The following KDM4B variants were observed in gnomAD, a reference collection of about 807,000 sequenced individuals.
The protein encoded by KDM4B is lysine-specific demethylase 4B.
KDM4B carries 32 observed loss-of-function variants against 125.2 expected under a neutral mutation model. The ratio of observed to expected loss-of-function variants is 0.26; its 90% CI spans 0.19 to 0.34. KDM4B has a LOEUF of 0.34. KDM4B is among the 10% of genes least tolerant of loss of function. The pLI is 1.00. For missense variants in KDM4B, 1,190 were observed against 1,577.7 expected, an observed-to-expected ratio of 0.75 and a Z score of 4.16; for synonymous variants, 721 against 677.9, an observed-to-expected ratio of 1.06 and a Z score of -0.99.
At chr19:5,111,793 C>G in intron 10 of KDM4B, 1 of 765,200 alleles carries the variant, frequency 1.3e-6, no homozygotes, top group South Asian at 1.3e-5. Context: ...TCCTGTGTCT[C>G]GACGTCTCGA....
At chr19:5,149,171 T>C (rs753633621) in intron 21 of KDM4B, among the ~76,000 whole-genome samples, 11 of 152,204 alleles carry the variant, frequency 7.2e-5, no homozygotes, top group Non-Finnish European at 1.3e-4. Flanking sequence ...TGTGCTCCCT[T>C]GGAGAGGGAG....
Position 5,151,587 on chromosome 19 carries a change from T to G in KDM4B, c.*76T>G. 8.2e-7 allele frequency: 1 copy of G among 1,225,252 alleles called. No individual in the cohort carries two copies. The highest frequency in any genetic ancestry group is 1.0e-6 in the Non-Finnish European group (1 of 963,930). The allele number at this position is 1,225,252 out of a possible 1,614,324, so 75.9% of individuals were successfully genotyped here. On this transcript the variant is annotated 3_prime_UTR_variant, in exon 23 of 23. Transcript: ENST00000159111. ...GCCCCGGGCGTTCGCTTGCTGTGAA[T>G]TCCTGTCCTCGTGTCCCCGACCCCC...
At chr19:5,014,283 T>C (rs1222113211) in intron 1 of KDM4B, among the ~76,000 whole-genome samples, 1 of 152,160 alleles carries the variant, frequency 6.6e-6, no homozygotes, top group Admixed American at 6.5e-5. Flanking sequence ...TGTTTTGTTT[T>C]GTTTTGTTTT....
At chr19:5,036,041 A>T (rs535322697) in intron 3 of KDM4B, among the ~76,000 whole-genome samples, 180 of 152,244 alleles carry the variant, frequency 1.2e-3, no homozygotes, top group Non-Finnish European at 2.1e-3. Context: ...TCAGGGAAGC[A>T]TCTGCTCTGG....
chr19:5,038,188 G>C (rs1246386361), intron 3 of KDM4B, among the ~76,000 whole-genome samples: 2 of 152,240 alleles, frequency 1.3e-5, no homozygotes, highest in Admixed American at 1.3e-4. Flanking sequence ...AGGAGGCGTG[G>C]GGCCTGCAGT....
intron 6 of KDM4B, among the ~76,000 whole-genome samples, chr19:5,049,168 G>A (rs888364692): frequency 1.3e-5 from 2 of 152,132 alleles, no homozygotes; most frequent in African/African-American, 2.4e-5. Flanking sequence ...AGTGGGGCCC[G>A]GCCACAGGCC....
intron 1 of KDM4B, among the ~76,000 whole-genome samples, chr19:5,008,722 C>T (rs1192128740): frequency 1.3e-5 from 2 of 150,474 alleles, no homozygotes; most frequent in African/African-American, 2.4e-5. Context: ...CCCTGATTAG[C>T]TGGGACTATA....
At chr19:5,137,748 T>G in intron 17 of KDM4B, 72 bp downstream of exon 17, 2 of 1,384,628 alleles carry the variant, frequency 1.4e-6, no homozygotes, top group South Asian at 2.7e-5. Context: ...CTGCAGGGTG[T>G]GACCCCAGTG....
chr19:5,045,134 C>T (rs933807042), intron 5 of KDM4B, among the ~76,000 whole-genome samples: 2 of 152,142 alleles, frequency 1.3e-5, no homozygotes, highest in East Asian at 1.9e-4. Flanking sequence ...ACTGTCCTCC[C>T]GCCCACCTGT....
chr19:5,144,809 C>T lies in KDM4B; in HGVS notation c.2928C>T (p.Pro976=). The change falls in exon 21 of 23, where the codon CCC becomes CCT. Residue 976 remains proline (P), a synonymous_variant. Transcript: ENST00000159111. The stretch of plus-strand genomic sequence containing the variant: ...GTAGGGACTGTGTCCAGCTGGGACC[C>T]CCTTCCGAGGGGGAGCTGGTGGAGC... ...ITSRDCVQLG[P]PSEGELVELR... is the part of the protein sequence containing the mutation. 1 of 1,613,474 alleles carries T rather than the reference C, an allele frequency of 6.2e-7. No individual in the cohort carries two copies. The highest frequency in any genetic ancestry group is 8.5e-7 in the Non-Finnish European group (1 of 1,179,916).
chr19:5,045,349 T>C (rs944151526), intron 5 of KDM4B, among the ~76,000 whole-genome samples: 1 of 152,128 alleles, frequency 6.6e-6, no homozygotes, highest in African/African-American at 2.4e-5. Flanking sequence ...GTGTGTTTCC[T>C]TGGTGAGCTC....
intron 1 of KDM4B, among the ~76,000 whole-genome samples, chr19:4,978,877 G>A (rs1329003242): frequency 2.0e-5 from 3 of 152,186 alleles, no homozygotes; most frequent in Non-Finnish European, 4.4e-5. Context: ...GTCCAGCTCC[G>A]CGTGAGAGTT....
chr19:5,093,102 T>G (rs2038744649), intron 9 of KDM4B, among the ~76,000 whole-genome samples: 1 of 152,150 alleles, frequency 6.6e-6, no homozygotes, highest in African/African-American at 2.4e-5. Flanking sequence ...AGCACTTGGG[T>G]GGTGCCTGGC....
intron 1 of KDM4B, among the ~76,000 whole-genome samples, chr19:4,992,755 T>C (rs2035069044): frequency 6.6e-6 from 1 of 152,214 alleles, no homozygotes; most frequent in Non-Finnish European, 1.5e-5. Context: ...CTGGCCATCC[T>C]ATAAGTTTTA....
At chr19:5,080,804 T>C (rs2038268083) in intron 8 of KDM4B, 1 of 152,182 alleles carries the variant, frequency 6.6e-6, no homozygotes, top group African/African-American at 2.4e-5. Context: ...CGCACGTCCA[T>C]CAACAGGAGG....
chr19:5,047,369 G>T, intron 5 of KDM4B, 107 bp from the exon 6 acceptor site: 1 of 1,028,062 alleles, frequency 9.7e-7, no homozygotes. Context: ...GGTGGAGGAG[G>T]ATGGGCAGCG....
chr19:5,075,197 G>C (rs2038065819), intron 7 of KDM4B: 1 of 152,368 alleles, frequency 6.6e-6, no homozygotes, highest in African/African-American at 2.4e-5. Context: ...GGTGGAGCAG[G>C]AAGTGCCCGA....
Position 5,017,330 on chromosome 19 carries a change from CCT to C in KDM4B, c.-26+992_-26+993del, listed in dbSNP as rs200471654. ...ATGGCCCCTGGACCCAATCTGACCC[CCT>C]GTTTTTATAAATAAAGTTTTATTGG... On this transcript the variant is annotated intron_variant, in intron 2 of 22. Transcript: ENST00000159111. 2.2e-4 allele frequency among the ~76,000 whole-genome samples: 33 copies of C among 152,294 alleles called. No individual in the cohort carries two copies. The East Asian group carries it at 3.5e-3, about 16-fold the overall frequency.
chr19:4,969,708 G>A (rs939383948), intron 1 of KDM4B, among the ~76,000 whole-genome samples: 5 of 151,048 alleles, frequency 3.3e-5, no homozygotes, highest in African/African-American at 1.2e-4. Context: ...CTGGCCCTTT[G>A]GGCGCCAGGG....
Sources: gnomAD v4.1 joint callset for allele counts (sites outside exome capture counted in the v4.1 genomes callset) on GRCh38, gnomAD v4.1.1 for gene constraint, MANE v1.5 for transcripts, NCBI Gene and HGNC (gene_info 2026-07-23, HGNC 2026-07-21) for gene names.